CSNK2A2IP: variants seen among roughly 807,000 people sequenced by gnomAD.
The protein encoded by CSNK2A2IP is casein kinase II subunit alpha'-interacting protein.
the CSNK2A2IP span, among the ~76,000 whole-genome samples, chr3:88,339,751 T>C: frequency 6.9e-4 from 105 of 152,102 alleles, no homozygotes; most frequent in Non-Finnish European, 1.3e-3. Flanking sequence ...AAGTACTCTT[T>C]GTAAATCTTT....
chr3:88,439,696 C>T, the CSNK2A2IP span, among the ~76,000 whole-genome samples: 6 of 143,650 alleles, frequency 4.2e-5, no homozygotes, highest in Non-Finnish European at 9.0e-5. Context: ...GAGCCGAGAT[C>T]ATGCCACAGC....
At chr3:88,465,996 GA>G in the CSNK2A2IP span, 1 of 1,231,560 alleles carries the variant, frequency 8.1e-7, no homozygotes. Context: ...CCCTTAGCTC[GA>G]CATTGCTTCA....
chr3:88,390,700 G>A, the CSNK2A2IP span, among the ~76,000 whole-genome samples: 1 of 152,168 alleles, frequency 6.6e-6, no homozygotes, highest in Non-Finnish European at 1.5e-5. Flanking sequence ...AGTATTAACT[G>A]AGGAGTTCTT....
At chr3:88,448,584 A>G in the CSNK2A2IP span, among the ~76,000 whole-genome samples, 1 of 152,192 alleles carries the variant, frequency 6.6e-6, no homozygotes, top group African/African-American at 2.4e-5. Flanking sequence ...AAATTCCTGA[A>G]TGGAGCTAAG....
chr3:88,370,374 G>T, the CSNK2A2IP span, among the ~76,000 whole-genome samples: 2 of 151,866 alleles, frequency 1.3e-5, no homozygotes, highest in Non-Finnish European at 2.9e-5. Flanking sequence ...TCAGTCAAAG[G>T]TTGGACTAGC....
chr3:88,456,999 A>G, the CSNK2A2IP span, among the ~76,000 whole-genome samples: 1 of 152,138 alleles, frequency 6.6e-6, no homozygotes, highest in African/African-American at 2.4e-5. Context: ...ACATCTAAAC[A>G]TCTAACGTAC....
At chr3:88,408,111 C>A in the CSNK2A2IP span, among the ~76,000 whole-genome samples, 1 of 152,094 alleles carries the variant, frequency 6.6e-6, no homozygotes, top group Non-Finnish European at 1.5e-5. Context: ...AATTAATTCA[C>A]CAGTACTTAA....
chr3:88,430,481 A>T, the CSNK2A2IP span, among the ~76,000 whole-genome samples: 2,486 of 152,250 alleles, frequency 0.016, 58 homozygotes, highest in African/African-American at 0.057. Flanking sequence ...CTGAAGAGTC[A>T]TATTCAGCAG....
the CSNK2A2IP span, among the ~76,000 whole-genome samples, chr3:88,387,513 T>G: frequency 6.6e-6 from 1 of 152,196 alleles, no homozygotes; most frequent in Non-Finnish European, 1.5e-5. Context: ...GTTATGTGCT[T>G]GCATGATTGC....
At chr3:88,357,756 A>T in the CSNK2A2IP span, among the ~76,000 whole-genome samples, 1 of 61,184 alleles carries the variant, frequency 1.6e-5, no homozygotes, top group Non-Finnish European at 3.4e-5. Flanking sequence ...AATTTCTTTC[A>T]TCAATGGTTT....
the CSNK2A2IP span, among the ~76,000 whole-genome samples, chr3:88,371,402 T>G: frequency 1.3e-5 from 2 of 151,754 alleles, no homozygotes; most frequent in Admixed American, 1.3e-4. Context: ...AAATTGAAGA[T>G]TACCATAACT....
the CSNK2A2IP span, among the ~76,000 whole-genome samples, chr3:88,358,291 G>A: frequency 6.6e-6 from 1 of 151,376 alleles, no homozygotes; most frequent in Non-Finnish European, 1.5e-5. Flanking sequence ...AAGATAATTT[G>A]ACTTTTTCTT....
At chr3:88,430,186 C>A in the CSNK2A2IP span, among the ~76,000 whole-genome samples, 1 of 152,068 alleles carries the variant, frequency 6.6e-6, no homozygotes, top group East Asian at 1.9e-4. Flanking sequence ...TGGAGGGACT[C>A]CTCACTATTC....
chr3:88,435,907 C>A, the CSNK2A2IP span, among the ~76,000 whole-genome samples: 1 of 95,470 alleles, frequency 1.0e-5, no homozygotes, highest in East Asian at 3.0e-4. Context: ...ATTATGTGTG[C>A]ATTATATATA....
chr3:88,432,073 A>G, the CSNK2A2IP span, among the ~76,000 whole-genome samples: 1 of 151,888 alleles, frequency 6.6e-6, no homozygotes, highest in East Asian at 1.9e-4. Flanking sequence ...TTATTCTTGT[A>G]GTTTGTTTTT....
chr3:88,382,802 CA>C, the CSNK2A2IP span: 1 of 152,160 alleles, frequency 6.6e-6, no homozygotes, highest in Non-Finnish European at 1.5e-5. Context: ...AGTATGATAT[CA>C]ATCTTATTTT....
At chr3:88,403,324 C>T in the CSNK2A2IP span, among the ~76,000 whole-genome samples, 2 of 152,014 alleles carry the variant, frequency 1.3e-5, no homozygotes, top group African/African-American at 4.8e-5. Context: ...AATACAAATT[C>T]TAGAAAAGTA....
the CSNK2A2IP span, among the ~76,000 whole-genome samples, chr3:88,418,220 A>T: frequency 1.8e-4 from 27 of 152,282 alleles, no homozygotes; most frequent in African/African-American, 6.5e-4. Context: ...GGTATATGTC[A>T]CTGAGGTGGG....
At chr3:88,357,388 T>A in the CSNK2A2IP span, among the ~76,000 whole-genome samples, 3 of 151,952 alleles carry the variant, frequency 2.0e-5, no homozygotes, top group African/African-American at 7.3e-5. Flanking sequence ...ACTTTAAATG[T>A]ATTATTTTAT....
Sources: allele counts gnomAD v4.1 joint callset (sites outside exome capture counted in the v4.1 genomes callset), GRCh38; gene constraint gnomAD v4.1.1; transcripts MANE v1.5; gene names NCBI Gene and HGNC (gene_info 2026-07-23, HGNC 2026-07-21).